The following PCDHGB5 variants were observed in gnomAD, a reference collection of about 807,000 sequenced individuals.
The protein encoded by PCDHGB5 is protocadherin gamma subfamily B, 5, also known as protocadherin gamma-B5.
Under a neutral mutation model 62.9 loss-of-function variants are expected in PCDHGB5, and 48 were observed. The observed-to-expected ratio is 0.76, with a 90% CI of 0.61 to 0.97. PCDHGB5 has a LOEUF of 0.97. Among genes scored for constraint, PCDHGB5 ranks in the 50% least tolerant of loss-of-function variants. The pLI, the probability that PCDHGB5 is intolerant of heterozygous loss-of-function variation, is 0.00. For missense variants in PCDHGB5, 1,118 were observed against 1,198.6 expected (o/e 0.93, Z 0.99); for synonymous variants, 474 against 511.2 (o/e 0.93, Z 0.98).
In PCDHGB5 at chr5:141,505,471, G is replaced by A. The variant is rs766596231; in HGVS notation, c.2535G>A (p.Ala845=). The A allele has an allele frequency of 3.4e-5, 55 of 1,614,244 alleles. No individual in the cohort carries two copies. The highest frequency in any genetic ancestry group is 1.1e-4 in the East Asian group (5 of 44,880). ...AGATGCTGCAAGCCATGATCTTGGCGTCCGCCAGTGGTAAGTGGTGTCAGT... is the reference window on the plus strand; with the variant it reads ...AGATGCTGCAAGCCATGATCTTGGCATCCGCCAGTGGTAAGTGGTGTCAGT... ...DTEMLQAMIL[A]SASEAADGSS... Residue 845 remains alanine (A), a synonymous_variant, in exon 3 of 4, where the codon GCG becomes GCA. Coordinates refer to ENST00000617380, the MANE Select transcript of PCDHGB5 (RefSeq NM_018925.3).
At chr5:141,471,801 CAT>C (rs1165290367) in intron 1 of PCDHGB5, among the ~76,000 whole-genome samples, 1 of 152,114 alleles carries the variant, frequency 6.6e-6, no homozygotes, top group African/African-American at 2.4e-5. Context: ...ATATAAAAGA[CAT>C]ATAAAAGACT....
chr5:141,511,041 C>T lies in PCDHGB5; in HGVS notation c.2640C>T (p.Pro880=), dbSNP rs1421629777. 1.5e-5 allele frequency: 24 copies of T among 1,614,076 alleles called. No individual in the cohort carries two copies. The highest frequency in any genetic ancestry group is 5.5e-5 in the South Asian group (5 of 91,092). Residue 880 remains proline, a synonymous_variant, in exon 4 of 4, where the codon CCC becomes CCT. Transcript: ENST00000617380. The part of the protein sequence containing the change: ...YGPQFTLQHV[P]DYRQNVYIPG... ...CCCAGTTCACCCTGCAGCACGTGCCCGACTACCGCCAGAATGTCTACATCC... is the reference window on the plus strand; with the variant it reads ...CCCAGTTCACCCTGCAGCACGTGCCTGACTACCGCCAGAATGTCTACATCC...
At chr5:141,441,871 G>A (rs1020432020) in intron 1 of PCDHGB5, 3 of 340,480 alleles carry the variant, frequency 8.8e-6, no homozygotes, top group Admixed American at 8.1e-5. Context: ...CGCGGAGCCT[G>A]GCTACCTGGT....
intron 1 of PCDHGB5, among the ~76,000 whole-genome samples, chr5:141,465,911 A>G (rs540115471): frequency 6.6e-6 from 1 of 152,260 alleles, no homozygotes; most frequent in East Asian, 1.9e-4. Context: ...TCACGAGGTC[A>G]GGATTTCGAG....
In PCDHGB5 at chr5:141,409,436, C is replaced by T. The variant is rs368696166; in HGVS notation, c.2397+8912C>T. Reference sequence around the variant, plus strand: ...ACTGGTGACAGATGGAGCCCTGGACCGAGAGCAGACACCAGAATACAATGT... The same window carrying T: ...ACTGGTGACAGATGGAGCCCTGGACTGAGAGCAGACACCAGAATACAATGT... On this transcript the variant is annotated intron_variant, in intron 1 of 3. Transcript: ENST00000617380. 6 of 1,613,864 alleles carry T rather than the reference C, an allele frequency of 3.7e-6. 1 individual carries two copies. The highest frequency in any genetic ancestry group is 5.1e-6 in the Non-Finnish European group (6 of 1,179,900).
chr5:141,413,397 T>A, intron 1 of PCDHGB5: 1 of 1,613,942 alleles, frequency 6.2e-7, no homozygotes, highest in Non-Finnish European at 8.5e-7. Context: ...TCTCCAGAGG[T>A]AGGACGCAGC....
intron 1 of PCDHGB5, chr5:141,405,537 A>G (rs2094682119): frequency 3.1e-6 from 2 of 643,630 alleles, no homozygotes; most frequent in Middle Eastern, 4.2e-4. Context: ...CTCCTGCCTC[A>G]GCCTCCCAAG....
chr5:141,410,342 C>T (rs772070270), intron 1 of PCDHGB5: 12 of 1,613,946 alleles, frequency 7.4e-6, no homozygotes, highest in Non-Finnish European at 9.3e-6. Flanking sequence ...CATTGCCTTG[C>T]GCCTGCGACG....
intron 1 of PCDHGB5, chr5:141,427,267 A>C (rs1361287845): frequency 6.6e-6 from 3 of 456,648 alleles, no homozygotes; most frequent in Non-Finnish European, 1.3e-5. Flanking sequence ...ATGACCAGCG[A>C]ATGTAAAATT....
intron 1 of PCDHGB5, chr5:141,415,929 T>C: frequency 1.6e-6 from 1 of 629,678 alleles, no homozygotes; most frequent in African/African-American, 1.9e-5. Context: ...TGTCAATTTA[T>C]ATTTCCTCCT....
chr5:141,441,973 C>A lies in PCDHGB5; in HGVS notation c.2397+41449C>A, dbSNP rs1457832429. The A allele has an allele frequency of 3.7e-5, 11 of 296,542 alleles. No individual in the cohort carries two copies. In the Admixed American group the frequency reaches 4.9e-4, roughly 13 times the overall value. 18.4% of individuals were successfully genotyped at this position (296,542 alleles called of 1,614,324 possible). A position where few individuals can be genotyped will look rare whatever the true frequency, so the allele number is the denominator to read the frequency against. ...GGCCAGCAAGCCCAGGCTCTTCAGC[C>A]TGGAATGCGCACCGACGAGGTGCTG... On this transcript the variant is annotated intron_variant, in intron 1 of 3. Coordinates refer to ENST00000617380, the MANE Select transcript of PCDHGB5 (RefSeq NM_018925.3).
Position 141,398,338 on chromosome 5 carries a change from G to A in PCDHGB5, c.211G>A (p.Glu71Lys), listed in dbSNP as rs1261830149. Residue 71 changes from glutamate (E) to lysine (K), a missense_variant, in exon 1 of 4, where the codon GAG becomes AAG. Transcript: ENST00000617380. ...GACTCGAAAACTGCGCGTCAGTTCG[G>A]AGAAGCCTTACTTCACCGTGAGCGC... ...LPTRKLRVSS[E>K]KPYFTVSAES... 4.4e-6 allele frequency: 6 copies of A among 1,375,730 alleles called. No homozygotes were observed. The highest frequency in any genetic ancestry group is 6.0e-6 in the Non-Finnish European group (6 of 992,876). 85.2% of individuals were successfully genotyped at this position (1,375,730 alleles called of 1,614,324 possible). A position where few individuals can be genotyped will look rare whatever the true frequency, so the allele number is the denominator to read the frequency against.
rs200254467 is a variant in PCDHGB5 at position 141,419,887 on chromosome 5, C to T, written c.2397+19363C>T. 380 of 1,614,050 alleles carry T rather than the reference C, an allele frequency of 2.4e-4. 1 individual carries two copies. The Admixed American group carries it at 2.6e-3, about 11-fold the overall frequency. ...TGCAAGAGGTACTGCCGGATTTCAGCGACCATCCCACACCCTCTGACTCCC... is the reference window on the plus strand; with the variant it reads ...TGCAAGAGGTACTGCCGGATTTCAGTGACCATCCCACACCCTCTGACTCCC... On this transcript the variant is annotated intron_variant, in intron 1 of 3. Transcript: ENST00000617380.
At chr5:141,498,793 T>C (rs2154592354) in intron 2 of PCDHGB5, among the ~76,000 whole-genome samples, 1 of 152,028 alleles carries the variant, frequency 6.6e-6, no homozygotes, top group Non-Finnish European at 1.5e-5. Context: ...ATTAGCCAGG[T>C]GTGGTGGTGC....
chr5:141,419,075 A>G, intron 1 of PCDHGB5: 1 of 1,613,968 alleles, frequency 6.2e-7, no homozygotes, highest in Non-Finnish European at 8.5e-7. Context: ...CAAGCTAGTA[A>G]CAGATGAGGC....
At chr5:141,478,785 A>C in intron 1 of PCDHGB5, 1 of 1,482,486 alleles carries the variant, frequency 6.7e-7, no homozygotes, top group Non-Finnish European at 9.0e-7. Flanking sequence ...GACCTAATTC[A>C]CATCCTCAGC....
chr5:141,422,926 G>GC, intron 1 of PCDHGB5: 1 of 1,614,230 alleles, frequency 6.2e-7, no homozygotes, highest in African/African-American at 1.3e-5. Context: ...CCTGTACCCT[G>GC]CCCTCCCCAC....
rs2099400874 is a variant in PCDHGB5 at position 141,476,888 on chromosome 5, C to T, written c.2398-17919C>T. On this transcript the variant is annotated intron_variant, in intron 1 of 3. Transcript: ENST00000617380. This position sits in a 1 kb window ranked among gnomAD's most constrained non-coding sequence, Gnocchi z 7.6. ...CCGGGCGCGCGTCCTGGAGGATGCA[C>T]CCTCCGGCACGCGCGTGGTACAAGT... is the stretch of plus-strand genomic sequence containing the variant. 1.2e-6 allele frequency: 2 copies of T among 1,613,964 alleles called. No homozygotes were observed. The highest frequency in any genetic ancestry group is 1.7e-6 in the Non-Finnish European group (2 of 1,180,030).
chr5:141,477,551 C>A lies in PCDHGB5; in HGVS notation c.2398-17256C>A. The A allele has an allele frequency of 6.2e-7, 1 of 1,614,178 alleles. No homozygotes were observed. The highest frequency in any genetic ancestry group is 1.3e-5 in the African/African-American group (1 of 75,032). ...CCTCCCCGGGGCTCCAATACTAAAC[C>A]TAAGTGTCTGGGACCCCGACGCCCC... is the stretch of plus-strand genomic sequence containing the variant. On this transcript the variant is annotated intron_variant, in intron 1 of 3. Transcript: ENST00000617380. The surrounding 1 kb of genome is among the most constrained non-coding windows in gnomAD (Gnocchi z 4.9).
Sources: gnomAD v4.1 joint callset for allele counts (sites outside exome capture counted in the v4.1 genomes callset) on GRCh38, gnomAD v4.1.1 for gene constraint, Gnocchi (gnomAD v3.1) non-coding constraint, MANE v1.5 for transcripts, NCBI Gene and HGNC (gene_info 2026-07-23, HGNC 2026-07-21) for gene names.